Variants in WDR20 observed in about 807,000 individuals in gnomAD.
WDR20 encodes WD repeat-containing protein 20.
In WDR20, 3 loss-of-function variants were observed where a neutral mutation model predicts 38.7. The ratio of observed to expected loss-of-function variants is 0.08; its 90% CI spans 0.04 to 0.20. The LOEUF (loss-of-function observed/expected upper bound fraction) is 0.20. Ranked by LOEUF, WDR20 falls within the 10% of genes least tolerant of loss-of-function variation. The probability of loss-of-function intolerance (pLI) is 1.00; values close to 1 mark genes in which losing one functional copy is unlikely to be tolerated. For synonymous variants in WDR20, 298 were observed against 285.6 expected (o/e 1.04, Z -0.44); for missense variants, 559 against 727.7 (o/e 0.77, Z 2.67).
chr14:102,178,597 A>G (rs961999930), intron 1 of WDR20, among the ~76,000 whole-genome samples: 4 of 151,874 alleles, frequency 2.6e-5, no homozygotes, highest in Non-Finnish European at 5.9e-5. Flanking sequence ...TGAACACTGC[A>G]TCAGGAACTG....
chr14:102,197,808 A>G (rs2059657733), intron 2 of WDR20: 1 of 702,770 alleles, frequency 1.4e-6, no homozygotes. Flanking sequence ...GACAGAATGA[A>G]GGTAGCAAGA....
chr14:102,142,950 C>T (rs2051998290), intron 1 of WDR20, among the ~76,000 whole-genome samples: 1 of 151,896 alleles, frequency 6.6e-6, no homozygotes, highest in African/African-American at 2.4e-5. Context: ...GCTACCATTC[C>T]TGAGAGGAAA....
chr14:102,150,366 C>T (rs981915021), intron 1 of WDR20, among the ~76,000 whole-genome samples: 5 of 151,958 alleles, frequency 3.3e-5, no homozygotes, highest in Admixed American at 6.6e-5. Context: ...CCCAGCTACT[C>T]GGGGCCGAGG....
chr14:102,162,754 G>T (rs1005445100), intron 1 of WDR20, among the ~76,000 whole-genome samples: 7 of 152,198 alleles, frequency 4.6e-5, no homozygotes, highest in Admixed American at 4.6e-4. Flanking sequence ...GTGACTACAG[G>T]TGTGTATCAC....
intron 1 of WDR20, chr14:102,178,769 C>A (rs1176780346): frequency 6.6e-6 from 1 of 152,032 alleles, no homozygotes; most frequent in Non-Finnish European, 1.5e-5. Context: ...CTAATCACTG[C>A]TGATTTGTTT....
intron 1 of WDR20, among the ~76,000 whole-genome samples, chr14:102,161,136 ATATATATTTTTT>A (rs1725769321): frequency 1.0e-4 from 1 of 9,856 alleles, no homozygotes; most frequent in African/African-American, 3.8e-4. Context: ...ATATATATAT[ATATATATTTTTT>A]TTTTTTTTTT....
Position 102,222,788 on chromosome 14 carries a change from TC to T in WDR20, c.1693-40del, listed in dbSNP as rs746901166. On this transcript the variant is annotated intron_variant, in intron 3 of 3. Coordinates refer to the WDR20 transcript ENST00000335263. The surrounding 1 kb of genome is among the most constrained non-coding windows in gnomAD (Gnocchi z 4.4). ...GGGCGCGCATGGTGGCTGTTGCCCG[TC>T]CGGTGTTTTGCTGGATTAATGTAGA... 1.9e-6 allele frequency: 3 copies of T among 1,613,164 alleles called. No homozygotes were observed. The South Asian group carries it at 3.3e-5, about 18-fold the overall frequency.
chr14:102,178,119 C>T (rs995024057), intron 1 of WDR20, among the ~76,000 whole-genome samples: 15 of 152,238 alleles, frequency 9.9e-5, no homozygotes, highest in African/African-American at 3.6e-4. Flanking sequence ...TGGCTAGGTG[C>T]AGTGGCTCAT....
chr14:102,172,629 AC>A (rs1295879925), intron 1 of WDR20, among the ~76,000 whole-genome samples: 1 of 129,406 alleles, frequency 7.7e-6, no homozygotes, highest in African/African-American at 3.0e-5. Context: ...GGCGCCCCTC[AC>A]CTCCCGGACG....
chr14:102,193,365 C>A, intron 1 of WDR20: 1 of 1,309,498 alleles, frequency 7.6e-7, no homozygotes, highest in Non-Finnish European at 1.1e-6. Flanking sequence ...CCGCTTTTCT[C>A]CTCGCTCCAG....
At chr14:102,178,416 C>T (rs779766257) in intron 1 of WDR20, among the ~76,000 whole-genome samples, 2 of 151,452 alleles carry the variant, frequency 1.3e-5, no homozygotes, top group Admixed American at 6.6e-5. Flanking sequence ...AATTGTTTGG[C>T]GTGTGTGTAT....
chr14:102,143,548 CT>C (rs11299573), intron 1 of WDR20, among the ~76,000 whole-genome samples: 7,711 of 144,026 alleles, frequency 0.054, 179 homozygotes, highest in Non-Finnish European at 0.066. Context: ...TTTTAAACAT[CT>C]TTTTTTTTTT....
chr14:102,192,945 C>G (rs1279705023), intron 1 of WDR20, among the ~76,000 whole-genome samples: 1 of 151,444 alleles, frequency 6.6e-6, no homozygotes, highest in Non-Finnish European at 1.5e-5. Context: ...ATAACTGGGA[C>G]TACAGGCATG....
At chr14:102,179,452 AAAAG>A (rs1389257483) in intron 1 of WDR20, among the ~76,000 whole-genome samples, 5 of 147,460 alleles carry the variant, frequency 3.4e-5, no homozygotes, top group East Asian at 1.9e-4. Flanking sequence ...AAAAAAAAAA[AAAAG>A]AAAGAAAAAA....
intron 1 of WDR20, among the ~76,000 whole-genome samples, chr14:102,174,473 G>A (rs1477882588): frequency 6.6e-6 from 1 of 152,166 alleles, no homozygotes; most frequent in Non-Finnish European, 1.5e-5. Context: ...AGGCTAGAGT[G>A]CAATGGCACA....
At chr14:102,211,611 C>T (rs145159773), downstream of WDR20, among the ~76,000 whole-genome samples, 5 of 152,328 alleles carry the variant, frequency 3.3e-5, no homozygotes, top group African/African-American at 1.2e-4. This position sits in a 1 kb window ranked among gnomAD's most constrained non-coding sequence, Gnocchi z 4.2. Flanking sequence ...CGTGTCCTCT[C>T]TACCTGTGGA....
chr14:102,157,439 C>CT (rs1190211381), intron 1 of WDR20: 1 of 152,098 alleles, frequency 6.6e-6, no homozygotes, highest in Non-Finnish European at 1.5e-5. Context: ...TCTTGTGGTA[C>CT]TTTCACTCAG....
chr14:102,216,787 G>A (rs1272163052), downstream of WDR20, among the ~76,000 whole-genome samples: 8 of 152,092 alleles, frequency 5.3e-5, no homozygotes, highest in African/African-American at 1.2e-4. Flanking sequence ...AAAATTAGCC[G>A]GGCGTGGTGG....
At chr14:102,202,659 T>C (rs527564029) in intron 2 of WDR20, among the ~76,000 whole-genome samples, 29 of 152,208 alleles carry the variant, frequency 1.9e-4, no homozygotes, top group South Asian at 4.1e-4. Flanking sequence ...GGATTACAGG[T>C]GTGAGCCACT....
Sources: gnomAD v4.1 joint callset for allele counts (sites outside exome capture counted in the v4.1 genomes callset) on GRCh38, gnomAD v4.1.1 for gene constraint, Gnocchi (gnomAD v3.1) non-coding constraint, MANE v1.5 for transcripts, NCBI Gene and HGNC (gene_info 2026-07-23, HGNC 2026-07-21) for gene names.